INSYN2B: variants seen among roughly 807,000 people sequenced by gnomAD.
INSYN2B encodes inhibitory synaptic factor family member 2B.
INSYN2B carries 16 observed loss-of-function variants against 41.2 expected under a neutral mutation model. The ratio of observed to expected loss-of-function variants is 0.39; its 90% CI spans 0.26 to 0.59. INSYN2B has a LOEUF of 0.59. Among genes scored for constraint, INSYN2B ranks in the 20% least tolerant of loss-of-function variants. The probability of loss-of-function intolerance (pLI) is 0.57; values close to 1 mark genes in which losing one functional copy is unlikely to be tolerated. For missense variants in INSYN2B, 608 were observed against 646.4 expected (o/e 0.94, Z 0.64); for synonymous variants, 245 against 244.4 (o/e 1.00, Z -0.02).
At chr5:169,935,777 C>A (rs938040673) in intron 1 of INSYN2B, among the ~76,000 whole-genome samples, 1 of 152,138 alleles carries the variant, frequency 6.6e-6, no homozygotes, top group South Asian at 2.1e-4. Context: ...GGAGAAAAAA[C>A]GCGTTGTGTA....
intron 1 of INSYN2B, among the ~76,000 whole-genome samples, chr5:169,970,381 C>T (rs1777457541): frequency 6.6e-6 from 1 of 152,164 alleles, no homozygotes; most frequent in South Asian, 2.1e-4. Flanking sequence ...TTCATTTATC[C>T]TGGGCATCTG....
chr5:169,953,078 C>T (rs1445837836), intron 1 of INSYN2B, among the ~76,000 whole-genome samples: 1 of 152,136 alleles, frequency 6.6e-6, no homozygotes, highest in Non-Finnish European at 1.5e-5. Context: ...AATCCCAGCA[C>T]TTTGGGAGGC....
At chr5:169,880,403 C>T (rs1450162229) in intron 3 of INSYN2B, among the ~76,000 whole-genome samples, 3 of 152,178 alleles carry the variant, frequency 2.0e-5, no homozygotes, top group Non-Finnish European at 4.4e-5. Context: ...ATAGGCAACC[C>T]AATTAGGCTC....
At chr5:169,868,662 G>T (rs962512378) in intron 3 of INSYN2B, among the ~76,000 whole-genome samples, 1 of 152,186 alleles carries the variant, frequency 6.6e-6, no homozygotes, top group African/African-American at 2.4e-5. Flanking sequence ...GGAGGCTGAG[G>T]TGAGAGGATC....
At position 169,864,243 on chromosome 5, in the gene INSYN2B, T is replaced by G. The variant is rs1269532508; in HGVS notation, c.*30A>C. On this transcript the variant is annotated 3_prime_UTR_variant, in exon 4 of 4. Transcript: ENST00000377365. ...TCCCATCTCAGGGAAGTGCGTGGAG[T>G]TGGGGGGCTGGGGGATGGTCCCAAC... 3 of 1,538,806 alleles carry G rather than the reference T, an allele frequency of 1.9e-6. No individual in the cohort carries two copies. In the East Asian group the frequency reaches 7.3e-5, roughly 38 times the overall value.
At position 169,882,668 on chromosome 5, in the gene INSYN2B, C is replaced by T. The variant is rs753222944; in HGVS notation, c.1231G>A (p.Asp411Asn). Residue 411 changes from aspartate (D) to asparagine (N), a missense_variant, in exon 2 of 4, where the codon GAC becomes AAC. Physicochemically the swap from Asp to Asn is conservative, Grantham distance 23 (BLOSUM62 1). Transcript: ENST00000377365. ...ACAGATTGCAGTCGGCCTTGGAGGT[C>T]GCAGAGTTCACCCCGTGCCAGGTGA... Reference protein sequence around the residue: ...QIHLARGELCDLQGRLQSVEE... With the variant: ...QIHLARGELCNLQGRLQSVEE... The T allele has an allele frequency of 1.8e-5, 28 of 1,552,080 alleles. No individual in the cohort carries two copies. The highest frequency in any genetic ancestry group is 2.4e-5 in the East Asian group (1 of 40,918).
intron 1 of INSYN2B, among the ~76,000 whole-genome samples, chr5:169,922,266 A>G (rs896478823): frequency 1.3e-5 from 2 of 152,240 alleles, no homozygotes; most frequent in East Asian, 1.9e-4. Context: ...ATCTCATCTT[A>G]TGGAGGAAAA....
chr5:169,917,958 A>G (rs1219628854), intron 1 of INSYN2B, among the ~76,000 whole-genome samples: 1 of 152,228 alleles, frequency 6.6e-6, no homozygotes, highest in Non-Finnish European at 1.5e-5. Flanking sequence ...CAAAACCAGG[A>G]CTGAAAGGAG....
chr5:169,896,007 T>C (rs1345804511), intron 1 of INSYN2B, among the ~76,000 whole-genome samples: 1 of 152,194 alleles, frequency 6.6e-6, no homozygotes, highest in Non-Finnish European at 1.5e-5. Flanking sequence ...ATCTCAAGCC[T>C]GGCCTTGGCC....
intron 1 of INSYN2B, among the ~76,000 whole-genome samples, chr5:169,957,632 G>A (rs1413860563): frequency 2.0e-5 from 3 of 152,150 alleles, no homozygotes; most frequent in African/African-American, 7.2e-5. Context: ...TCCTGGTAAT[G>A]AGACACTAGA....
intron 1 of INSYN2B, among the ~76,000 whole-genome samples, chr5:169,905,079 G>T (rs987975513): frequency 2.0e-5 from 3 of 152,208 alleles, no homozygotes; most frequent in Non-Finnish European, 2.9e-5. Flanking sequence ...GGGAGGCCGT[G>T]CAGAGTGCTC....
At chr5:169,965,876 C>A (rs1777278298) in intron 1 of INSYN2B, among the ~76,000 whole-genome samples, 2 of 152,170 alleles carry the variant, frequency 1.3e-5, no homozygotes, top group Admixed American at 1.3e-4. Flanking sequence ...GGCCTCTGGG[C>A]TCTCACCTTT....
chr5:169,914,795 A>G (rs892519481), intron 1 of INSYN2B, among the ~76,000 whole-genome samples: 1 of 152,184 alleles, frequency 6.6e-6, no homozygotes, highest in African/African-American at 2.4e-5. Context: ...ATGCCCAGCC[A>G]GCTACACTCA....
intron 1 of INSYN2B, among the ~76,000 whole-genome samples, chr5:169,963,970 C>G (rs942364517): frequency 6.6e-6 from 1 of 152,104 alleles, no homozygotes; most frequent in Admixed American, 6.5e-5. Context: ...CAGAGAGAAC[C>G]ACTGCTTCAA....
Position 169,862,038 on chromosome 5 carries a change from A to G in INSYN2B, c.*2235T>C, listed in dbSNP as rs1771235088. On this transcript the variant is annotated 3_prime_UTR_variant, in exon 4 of 4. Coordinates refer to ENST00000377365, the MANE Select transcript of INSYN2B (RefSeq NM_001129891.3). ...TCATGTGAGGGCCTCAACTGGAAAC[A>G]TATCTATGACCACATCAGCTTATTA... 6.6e-6 allele frequency among the ~76,000 whole-genome samples: 1 copy of G among 151,984 alleles called. No homozygotes were observed. Among genetic ancestry groups the G allele is most frequent in the Non-Finnish European group, 1.5e-5 (1 of 68,004 alleles).
intron 1 of INSYN2B, among the ~76,000 whole-genome samples, chr5:169,974,100 GC>G (rs1384427625): frequency 6.6e-6 from 1 of 152,114 alleles, no homozygotes; most frequent in East Asian, 1.9e-4. Context: ...AAAAATGATA[GC>G]CTCCTTTTTT....
intron 3 of INSYN2B, among the ~76,000 whole-genome samples, chr5:169,867,879 A>G (rs993280630): frequency 6.6e-5 from 10 of 152,308 alleles, no homozygotes; most frequent in African/African-American, 2.4e-4. Context: ...CAACCCCTGC[A>G]TTGCAGCAAG....
chr5:169,881,281 C>G, intron 3 of INSYN2B, 87 bp downstream of exon 3: 1 of 1,139,916 alleles, frequency 8.8e-7, no homozygotes, highest in Non-Finnish European at 1.3e-6. Flanking sequence ...CCTCTCTTGA[C>G]TTTTTGCATT....
chr5:169,934,562 C>T (rs1177586517), intron 1 of INSYN2B: 1 of 449,018 alleles, frequency 2.2e-6, no homozygotes, highest in Non-Finnish European at 4.5e-6. Flanking sequence ...TTCACACACA[C>T]CTGGATCTAA....
Sources: gnomAD v4.1 joint callset for allele counts (sites outside exome capture counted in the v4.1 genomes callset) on GRCh38, gnomAD v4.1.1 for gene constraint, MANE v1.5 for transcripts, NCBI Gene and HGNC (gene_info 2026-07-23, HGNC 2026-07-21) for gene names.